Variants in HIVEP3 observed in about 807,000 individuals in gnomAD.
The protein encoded by HIVEP3 is HIVEP zinc finger 3.
In HIVEP3, 49 loss-of-function variants were observed where a neutral mutation model predicts 152.8. The ratio of observed to expected loss-of-function variants is 0.32; its 90% CI spans 0.26 to 0.41. The LOEUF (loss-of-function observed/expected upper bound fraction) is 0.41, where lower values mean the gene tolerates loss of function less well. HIVEP3 is among the 10% of genes least tolerant of loss of function. The pLI is 1.00. For missense variants in HIVEP3, 2,790 were observed against 3,103.3 expected (o/e 0.90, Z 2.40); for synonymous variants, 1,269 against 1,289.0 (o/e 0.98, Z 0.33).
intron 1 of HIVEP3, among the ~76,000 whole-genome samples, chr1:41,925,984 C>A (rs1375857926): frequency 6.6e-6 from 1 of 152,134 alleles, no homozygotes; most frequent in Non-Finnish European, 1.5e-5. Flanking sequence ...AGGGAAGGAT[C>A]ATGCTTCCCT....
intron 1 of HIVEP3, among the ~76,000 whole-genome samples, chr1:41,759,458 T>C (rs942154657): frequency 6.6e-6 from 1 of 152,212 alleles, no homozygotes; most frequent in East Asian, 1.9e-4. Flanking sequence ...ACCTTTTGGC[T>C]ATTGTGAATA....
intron 2 of HIVEP3, among the ~76,000 whole-genome samples, chr1:41,663,955 T>G (rs755132232): frequency 2.6e-5 from 4 of 152,212 alleles, no homozygotes; most frequent in Non-Finnish European, 5.9e-5. Context: ...TGATCTGGCA[T>G]GCAAGGCCCC....
At chr1:41,527,242 CTCA>C (rs1558029252) in intron 5 of HIVEP3, among the ~76,000 whole-genome samples, 2 of 58,028 alleles carry the variant, frequency 3.4e-5, no homozygotes, top group African/African-American at 8.1e-5. Flanking sequence ...ACACACTCAC[CTCA>C]CACACACACA....
At chr1:41,965,341 C>A (rs566918888) in intron 1 of HIVEP3, among the ~76,000 whole-genome samples, 1 of 152,302 alleles carries the variant, frequency 6.6e-6, no homozygotes, top group Non-Finnish European at 1.5e-5. Flanking sequence ...AGCCAGAGTG[C>A]CTCTTCTCCA....
intron 2 of HIVEP3, among the ~76,000 whole-genome samples, chr1:41,680,109 C>T (rs1360437738): frequency 6.6e-6 from 1 of 152,222 alleles, no homozygotes. Context: ...GGCTCTCACA[C>T]CTCAGGCACA....
intron 6 of HIVEP3, among the ~76,000 whole-genome samples, chr1:41,520,615 G>A (rs647146): frequency 0.58 from 88,247 of 152,058 alleles, 26,303 homozygotes; most frequent in East Asian, 0.98. Context: ...CAGGCCACAG[G>A]GCACTGTGGA....
At chr1:41,947,100 C>T (rs1276346399) in intron 1 of HIVEP3, among the ~76,000 whole-genome samples, 1 of 152,142 alleles carries the variant, frequency 6.6e-6, no homozygotes, top group African/African-American at 2.4e-5. Context: ...TCCTTCAAAC[C>T]CAACATCTCA....
At chr1:41,574,902 G>A (rs535089517) in intron 5 of HIVEP3, among the ~76,000 whole-genome samples, 5 of 152,336 alleles carry the variant, frequency 3.3e-5, no homozygotes, top group African/African-American at 9.6e-5. Flanking sequence ...CCCTTCCAGA[G>A]CCCAGACAGT....
chr1:41,787,998 C>T (rs1649464283), intron 1 of HIVEP3, among the ~76,000 whole-genome samples: 1 of 152,154 alleles, frequency 6.6e-6, no homozygotes, highest in Non-Finnish European at 1.5e-5. Context: ...GGGAACTCCT[C>T]AAAGGGATTT....
chr1:41,813,050 T>C (rs1651061049), intron 1 of HIVEP3, among the ~76,000 whole-genome samples: 1 of 152,192 alleles, frequency 6.6e-6, no homozygotes, highest in African/African-American at 2.4e-5. Flanking sequence ...TATTTTATTT[T>C]ATTTTTGAGA....
chr1:41,545,221 C>A (rs1370025386), intron 5 of HIVEP3, among the ~76,000 whole-genome samples: 2 of 141,304 alleles, frequency 1.4e-5, no homozygotes, highest in Admixed American at 7.0e-5. Context: ...GCCACCACCA[C>A]CATCGCTACC....
chr1:41,560,719 C>T (rs889042409), intron 5 of HIVEP3, among the ~76,000 whole-genome samples: 1 of 152,214 alleles, frequency 6.6e-6, no homozygotes, highest in African/African-American at 2.4e-5. Flanking sequence ...GCCCCTCCTC[C>T]AAGAGACTCC....
chr1:41,576,314 G>A (rs1644326600), intron 4 of HIVEP3, among the ~76,000 whole-genome samples: 1 of 152,226 alleles, frequency 6.6e-6, no homozygotes. Flanking sequence ...GGCACAGAGA[G>A]GCTGTGCAGG....
In HIVEP3 at chr1:41,627,734, C is replaced by A. The variant is rs72669077; in HGVS notation, c.-522+1015G>T. On this transcript the variant is annotated intron_variant, in intron 3 of 8. Transcript: ENST00000372583. Reference sequence around the variant, plus strand: ...GCCTTGGAAATCTCAGCTGGGCCCACAGACCCAAACACAGGCCCCCAGAAG... The same window carrying A: ...GCCTTGGAAATCTCAGCTGGGCCCAAAGACCCAAACACAGGCCCCCAGAAG... Among the ~76,000 whole-genome samples, 1,398 of 152,300 alleles carry A rather than the reference C, an allele frequency of 9.2e-3. 10 individuals carry two copies. The highest frequency in any genetic ancestry group is 0.013 in the Non-Finnish European group (863 of 68,014).
chr1:41,730,989 G>A (rs1396155964), intron 1 of HIVEP3, among the ~76,000 whole-genome samples: 1 of 152,154 alleles, frequency 6.6e-6, no homozygotes, highest in African/African-American at 2.4e-5. Flanking sequence ...CCAGGGCTGA[G>A]TGAAACCTCT....
intron 1 of HIVEP3, among the ~76,000 whole-genome samples, chr1:41,984,871 G>A (rs983876358): frequency 9.9e-5 from 15 of 151,914 alleles, no homozygotes; most frequent in African/African-American, 3.6e-4. Flanking sequence ...GCCCTCTAGG[G>A]GCATATAATC....
At chr1:41,563,073 C>A (rs940896724) in intron 5 of HIVEP3, among the ~76,000 whole-genome samples, 1 of 151,432 alleles carries the variant, frequency 6.6e-6, no homozygotes, top group Non-Finnish European at 1.5e-5. Flanking sequence ...GGGGGTCGGG[C>A]GCATGGCTTA....
At chr1:41,952,112 G>A (rs1244458263) in intron 1 of HIVEP3, among the ~76,000 whole-genome samples, 4 of 152,126 alleles carry the variant, frequency 2.6e-5, no homozygotes, top group Non-Finnish European at 5.9e-5. Flanking sequence ...TATCTTCCCT[G>A]AAGATACATT....
chr1:41,615,919 A>G (rs1457472418), intron 3 of HIVEP3, among the ~76,000 whole-genome samples: 1 of 140,230 alleles, frequency 7.1e-6, no homozygotes, highest in Non-Finnish European at 1.5e-5. Context: ...TTTTGAAAAT[A>G]TTTTATATTT....
Sources: allele counts gnomAD v4.1 joint callset (sites outside exome capture counted in the v4.1 genomes callset), GRCh38; gene constraint gnomAD v4.1.1; transcripts MANE v1.5; gene names NCBI Gene and HGNC (gene_info 2026-07-23, HGNC 2026-07-21).